Variants in SPIDR observed in about 807,000 individuals in gnomAD.
SPIDR encodes the protein DNA repair-scaffolding protein.
SPIDR carries 93 observed loss-of-function variants against 104.6 expected under a neutral mutation model. That is an observed-to-expected ratio of 0.89 (90% CI 0.75 to 1.06). The LOEUF is 1.06. Among genes scored for constraint, SPIDR ranks in the 50% least tolerant of loss-of-function variants. The probability of loss-of-function intolerance (pLI) is 0.00; values close to 1 mark genes in which losing one functional copy is unlikely to be tolerated. For missense variants in SPIDR, 1,154 were observed against 1,111.2 expected (o/e 1.04, Z -0.55); for synonymous variants, 431 against 416.9 (o/e 1.03, Z -0.41).
chr8:47,302,515 G>A (rs2042287131), intron 5 of SPIDR, among the ~76,000 whole-genome samples: 2 of 152,252 alleles, frequency 1.3e-5, no homozygotes, highest in South Asian at 2.1e-4. Context: ...GAGGAGGAGA[G>A]GCACTCTGAT....
At chr8:47,728,099 G>C (rs1292766410) in intron 17 of SPIDR, among the ~76,000 whole-genome samples, 1 of 147,614 alleles carries the variant, frequency 6.8e-6, no homozygotes, top group East Asian at 2.0e-4. Flanking sequence ...CCTGGTGACA[G>C]AGTGAGACTC....
intron 8 of SPIDR, among the ~76,000 whole-genome samples, chr8:47,583,869 G>A (rs2059996935): frequency 6.6e-6 from 1 of 152,200 alleles, no homozygotes; most frequent in South Asian, 2.1e-4. Flanking sequence ...AGCTCCCAGA[G>A]GGGCCGCCCT....
chr8:47,611,461 G>T (rs189783285), intron 10 of SPIDR, among the ~76,000 whole-genome samples: 1 of 152,152 alleles, frequency 6.6e-6, no homozygotes, highest in Non-Finnish European at 1.5e-5. Flanking sequence ...CACTTTGGGA[G>T]GCCGAGACGG....
chr8:47,268,891 G>A (rs2034651703), intron 1 of SPIDR, among the ~76,000 whole-genome samples: 1 of 152,180 alleles, frequency 6.6e-6, no homozygotes, highest in African/African-American at 2.4e-5. Flanking sequence ...ATGCAGCTAG[G>A]CATGGTGGCT....
intron 5 of SPIDR, among the ~76,000 whole-genome samples, chr8:47,315,510 CT>C (rs2045163343): frequency 6.6e-6 from 1 of 152,076 alleles, no homozygotes; most frequent in Admixed American, 6.6e-5. Context: ...CTTAGCAGGA[CT>C]TTTCTCTTTT....
At chr8:47,371,486 AG>A (rs1398674390) in intron 5 of SPIDR, among the ~76,000 whole-genome samples, 1 of 152,124 alleles carries the variant, frequency 6.6e-6, no homozygotes, top group Non-Finnish European at 1.5e-5. Flanking sequence ...GGTTCTGGTG[AG>A]GGCCCTTTTC....
intron 19 of SPIDR, among the ~76,000 whole-genome samples, chr8:47,734,098 C>T (rs1016953804): frequency 6.6e-6 from 1 of 152,156 alleles, no homozygotes; most frequent in African/African-American, 2.4e-5. Flanking sequence ...GTGCACAGAA[C>T]TCTTGTTTGG....
At chr8:47,668,650 G>C (rs1418199769) in intron 10 of SPIDR, among the ~76,000 whole-genome samples, 1 of 152,122 alleles carries the variant, frequency 6.6e-6, no homozygotes, top group East Asian at 1.9e-4. Context: ...GGCTTCTCCA[G>C]CATTGCCCTG....
At chr8:47,340,543 A>G (rs1267767388) in intron 5 of SPIDR, among the ~76,000 whole-genome samples, 1 of 152,320 alleles carries the variant, frequency 6.6e-6, no homozygotes, top group African/African-American at 2.4e-5. Context: ...CGAAGGTTGC[A>G]GTGAGCCGAC....
chr8:47,474,532 T>C (rs1271947468), intron 8 of SPIDR, among the ~76,000 whole-genome samples: 2 of 152,210 alleles, frequency 1.3e-5, no homozygotes, highest in African/African-American at 4.8e-5. Context: ...GACGGGCAGC[T>C]CTTTGCCTTT....
intron 4 of SPIDR, among the ~76,000 whole-genome samples, chr8:47,292,875 TAATG>T (rs1369086921): frequency 9.0e-4 from 137 of 152,178 alleles, no homozygotes; most frequent in African/African-American, 2.9e-3. Context: ...TTGCTTTGTC[TAATG>T]AATGAAGGAG....
chr8:47,485,146 C>A (rs1188669835), intron 8 of SPIDR, among the ~76,000 whole-genome samples: 1 of 152,238 alleles, frequency 6.6e-6, no homozygotes, highest in African/African-American at 2.4e-5. Flanking sequence ...GTCACTCCCA[C>A]CCTAACACAG....
intron 10 of SPIDR, among the ~76,000 whole-genome samples, chr8:47,672,927 G>T (rs2075979521): frequency 6.6e-6 from 1 of 152,210 alleles, no homozygotes. Flanking sequence ...TCATTAAGGA[G>T]TCTACAGTTC....
At chr8:47,664,367 A>G (rs902977044) in intron 10 of SPIDR, among the ~76,000 whole-genome samples, 1 of 152,206 alleles carries the variant, frequency 6.6e-6, no homozygotes, top group Admixed American at 6.5e-5. Flanking sequence ...GATTTAGCCG[A>G]CAAAAGATTT....
intron 7 of SPIDR, among the ~76,000 whole-genome samples, chr8:47,424,873 G>A (rs1413431701): frequency 6.6e-6 from 1 of 152,108 alleles, no homozygotes; most frequent in Non-Finnish European, 1.5e-5. Context: ...TGGGATTACA[G>A]GCGCCTGCCA....
intron 8 of SPIDR, among the ~76,000 whole-genome samples, chr8:47,548,177 G>A (rs1220877263): frequency 2.0e-5 from 3 of 152,062 alleles, no homozygotes; most frequent in Non-Finnish European, 4.4e-5. Flanking sequence ...ATAAGAAAAA[G>A]TAGCTTTTGC....
intron 5 of SPIDR, among the ~76,000 whole-genome samples, chr8:47,323,322 A>G (rs782497128): frequency 1.3e-5 from 2 of 152,208 alleles, no homozygotes; most frequent in African/African-American, 4.8e-5. Context: ...AGTAGTTGTC[A>G]TATAATTCTT....
intron 8 of SPIDR, among the ~76,000 whole-genome samples, chr8:47,582,682 T>C (rs1290221860): frequency 6.6e-6 from 1 of 152,102 alleles, no homozygotes; most frequent in Non-Finnish European, 1.5e-5. Flanking sequence ...TTTTTATTGA[T>C]CATACAATAT....
intron 7 of SPIDR, among the ~76,000 whole-genome samples, chr8:47,417,798 G>A (rs1451682471): frequency 3.3e-5 from 5 of 152,110 alleles, no homozygotes; most frequent in African/African-American, 4.8e-5. Flanking sequence ...ATTAATTTTT[G>A]TATAAGGTGT....
Sources: allele counts gnomAD v4.1 joint callset (sites outside exome capture counted in the v4.1 genomes callset), GRCh38; gene constraint gnomAD v4.1.1; transcripts MANE v1.5; gene names NCBI Gene and HGNC (gene_info 2026-07-23, HGNC 2026-07-21).